The following MTHFD1 variants were observed in gnomAD, a reference collection of about 807,000 sequenced individuals.
MTHFD1 encodes methylenetetrahydrofolate dehydrogenase, cyclohydrolase and formyltetrahydrofolate synthetase 1.
MTHFD1 carries 44 observed loss-of-function variants against 110.3 expected under a neutral mutation model. That is an observed-to-expected ratio of 0.40 (90% CI 0.31 to 0.51). The LOEUF (loss-of-function observed/expected upper bound fraction) is 0.51, where lower values mean the gene tolerates loss of function less well. Ranked by LOEUF, MTHFD1 falls within the 20% of genes least tolerant of loss-of-function variation. The pLI, the probability that MTHFD1 is intolerant of heterozygous loss-of-function variation, is 0.60. For missense variants in MTHFD1, 909 were observed against 1,173.1 expected (o/e 0.77, Z 3.29); for synonymous variants, 402 against 428.8 (o/e 0.94, Z 0.77).
At chr14:64,410,857 T>C (rs764356262) in intron 2 of MTHFD1, among the ~76,000 whole-genome samples, 4 of 152,116 alleles carry the variant, frequency 2.6e-5, no homozygotes, top group African/African-American at 2.4e-5. Flanking sequence ...TACTTTCTGT[T>C]TGGGGTTTGG....
chr14:64,442,544 CCCT>C, intron 21 of MTHFD1, 142 bp downstream of exon 21: 3 of 888,228 alleles, frequency 3.4e-6, no homozygotes, highest in Non-Finnish European at 5.2e-6. Flanking sequence ...GGGCAGACAG[CCCT>C]TGTGTTGGCT....
intron 3 of MTHFD1, among the ~76,000 whole-genome samples, chr14:64,411,671 G>A (rs946634683): frequency 2.0e-5 from 3 of 152,160 alleles, no homozygotes; most frequent in African/African-American, 4.8e-5. Context: ...AGGCCGAGGC[G>A]GGCGGATCAC....
intron 15 of MTHFD1, among the ~76,000 whole-genome samples, chr14:64,434,949 C>CTTTTTTTTTT: frequency 1.2e-5 from 1 of 80,824 alleles, no homozygotes; most frequent in Admixed American, 1.6e-4. Flanking sequence ...TCCCTCTTTT[C>CTTTTTTTTTT]TTTTTTTTTT....
chr14:64,422,070 C>T (rs1319849193), intron 8 of MTHFD1, among the ~76,000 whole-genome samples: 1 of 151,942 alleles, frequency 6.6e-6, no homozygotes, highest in Non-Finnish European at 1.5e-5. Context: ...TTGACTTAAA[C>T]ATGAAACTTG....
intron 1 of MTHFD1, among the ~76,000 whole-genome samples, chr14:64,399,285 A>T (rs149623046): frequency 6.6e-6 from 1 of 152,322 alleles, no homozygotes; most frequent in African/African-American, 2.4e-5. Flanking sequence ...TTTATTTACT[A>T]TATGATTTTG....
chr14:64,427,194 T>A (rs2078125401), intron 11 of MTHFD1, 143 bp from the exon 12 acceptor site: 9 of 903,706 alleles, frequency 1.0e-5, no homozygotes, highest in Non-Finnish European at 1.6e-5. Context: ...TAGCTGGGAC[T>A]ACAGGCATAC....
chr14:64,445,337 GGTT>G (rs1006793593), intron 22 of MTHFD1, among the ~76,000 whole-genome samples: 149 of 152,220 alleles, frequency 9.8e-4, no homozygotes, highest in East Asian at 3.9e-4. Flanking sequence ...TCAGGATTCT[GGTT>G]GTTTTTCTAG....
intron 1 of MTHFD1, among the ~76,000 whole-genome samples, chr14:64,393,136 A>G (rs934684387): frequency 1.3e-5 from 2 of 152,236 alleles, no homozygotes; most frequent in South Asian, 4.1e-4. Context: ...GTGGTGGCTC[A>G]TGCCTGTAAT....
intron 1 of MTHFD1, 144 bp downstream of exon 1, chr14:64,388,612 A>G (rs2077781986): frequency 6.4e-6 from 5 of 781,596 alleles, no homozygotes; most frequent in Non-Finnish European, 1.1e-5. Context: ...GCAGCCAAAG[A>G]AAGAGAACCC....
At chr14:64,445,185 A>AT (rs2078280489) in intron 22 of MTHFD1, 1 of 232,268 alleles carries the variant, frequency 4.3e-6, no homozygotes, top group Non-Finnish European at 8.5e-6. Flanking sequence ...TCCTAGACTA[A>AT]TAGCAGTTCC....
intron 21 of MTHFD1, among the ~76,000 whole-genome samples, chr14:64,443,160 C>G (rs568706410): frequency 2.0e-5 from 3 of 152,244 alleles, no homozygotes. Context: ...TTGTTTTGGT[C>G]AGGGTTTGTC....
intron 5 of MTHFD1, 54 bp from the exon 6 acceptor site, chr14:64,415,585 A>C: frequency 2.5e-6 from 4 of 1,612,920 alleles, no homozygotes; most frequent in South Asian, 1.1e-5. Context: ...GTTTCTAAAG[A>C]GTAAAGACAT....
At chr14:64,449,377 G>C in intron 23 of MTHFD1, 68 bp from the exon 24 acceptor site, 1 of 1,568,754 alleles carries the variant, frequency 6.4e-7, no homozygotes, top group Non-Finnish European at 8.7e-7. Flanking sequence ...AGGTTTAATG[G>C]CAAAAAGAAG....
intron 9 of MTHFD1, among the ~76,000 whole-genome samples, chr14:64,425,471 A>G (rs1192708451): frequency 6.6e-6 from 1 of 152,098 alleles, no homozygotes; most frequent in East Asian, 1.9e-4. Flanking sequence ...TTGGCCTTCC[A>G]AAGTGCTGGG....
intron 22 of MTHFD1, among the ~76,000 whole-genome samples, chr14:64,446,774 C>G (rs937345503): frequency 6.6e-6 from 1 of 152,188 alleles, no homozygotes; most frequent in African/African-American, 2.4e-5. Flanking sequence ...GATCTCCTGA[C>G]CTCGTGTTCC....
At chr14:64,439,671 C>T (rs978046944) in intron 17 of MTHFD1, among the ~76,000 whole-genome samples, 2 of 151,796 alleles carry the variant, frequency 1.3e-5, no homozygotes, top group Admixed American at 6.6e-5. Flanking sequence ...GAGGCCGAGG[C>T]GGGCGGATCA....
chr14:64,458,514 G>C, intron 27 of MTHFD1: 2 of 590,038 alleles, frequency 3.4e-6, no homozygotes, highest in South Asian at 3.9e-5. Flanking sequence ...ATTTTTGGAA[G>C]AAGCGCAGCA....
chr14:64,428,013 G>T (rs781248004), intron 12 of MTHFD1, among the ~76,000 whole-genome samples: 4 of 151,284 alleles, frequency 2.6e-5, no homozygotes, highest in Non-Finnish European at 5.9e-5. Context: ...GTACCAGAGT[G>T]ATTCTTCCAT....
chr14:64,410,702 C>T (rs1484698520), intron 2 of MTHFD1, among the ~76,000 whole-genome samples: 2 of 152,158 alleles, frequency 1.3e-5, no homozygotes, highest in Non-Finnish European at 2.9e-5. Context: ...CTGGGTGCTC[C>T]TGCCTCTCAG....
Sources: gnomAD v4.1 joint callset for allele counts (sites outside exome capture counted in the v4.1 genomes callset) on GRCh38, gnomAD v4.1.1 for gene constraint, MANE v1.5 for transcripts, NCBI Gene and HGNC (gene_info 2026-07-23, HGNC 2026-07-21) for gene names.